The following SHPRH variants were observed in gnomAD, a reference collection of about 807,000 sequenced individuals.
SHPRH encodes the protein E3 ubiquitin-protein ligase SHPRH.
Under a neutral mutation model 202.5 loss-of-function variants are expected in SHPRH, and 106 were observed. The ratio of observed to expected loss-of-function variants is 0.52; its 90% CI spans 0.45 to 0.62. The LOEUF (loss-of-function observed/expected upper bound fraction) is 0.62. SHPRH is among the 20% of genes least tolerant of loss of function. The pLI, the probability that SHPRH is intolerant of heterozygous loss-of-function variation, is 0.00. For missense variants in SHPRH, 1,710 were observed against 2,020.0 expected, an observed-to-expected ratio of 0.85 and a Z score of 2.94; for synonymous variants, 729 against 686.0, an observed-to-expected ratio of 1.06 and a Z score of -0.98.
chr6:145,936,978 C>CTTTTT (rs1206387630), intron 11 of SHPRH, among the ~76,000 whole-genome samples: 3 of 125,660 alleles, frequency 2.4e-5, no homozygotes, highest in Admixed American at 8.2e-5. Context: ...CATGCTTCAT[C>CTTTTT]TTTTTTTTTT....
chr6:145,877,643 C>A (rs1349510557), intron 2 of SHPRH: 1 of 152,174 alleles, frequency 6.6e-6, no homozygotes, highest in Non-Finnish European at 1.5e-5. Flanking sequence ...CTTTGCAGAT[C>A]CAGTGGATAA....
At position 145,886,547 on chromosome 6, in the gene SHPRH, C is replaced by T; in HGVS notation, c.*144G>A. 7.0e-7 allele frequency: 1 copy of T among 1,429,228 alleles called. No individual in the cohort carries two copies. The highest frequency in any genetic ancestry group is 1.4e-5 in the South Asian group (1 of 72,736). 88.5% of individuals were successfully genotyped at this position (1,429,228 alleles called of 1,614,324 possible). A position where few individuals can be genotyped will look rare whatever the true frequency, so the allele number is the denominator to read the frequency against. Reference sequence around the variant, plus strand: ...AAAGGACTCAATAAGTACTAAGCCACTGTATAACCAGAACAATAAACAAAT... The same window carrying T: ...AAAGGACTCAATAAGTACTAAGCCATTGTATAACCAGAACAATAAACAAAT... On this transcript the variant is annotated 3_prime_UTR_variant, in exon 30 of 30. Coordinates refer to ENST00000275233, the MANE Select transcript of SHPRH (RefSeq NM_001042683.3).
Position 145,888,001 on chromosome 6 carries a change from G to A in SHPRH, c.4955+19C>T, listed in dbSNP as rs772574389. 4.4e-6 allele frequency: 7 copies of A among 1,579,286 alleles called. No homozygotes were observed. In the Admixed American group the frequency reaches 1.2e-4, roughly 26 times the overall value. Reference sequence around the variant, plus strand: ...CAGGAAAACCTTCCCCCTTCTACTTGTGGTAAATTATTACCTACCTTCTCT... The same window carrying A: ...CAGGAAAACCTTCCCCCTTCTACTTATGGTAAATTATTACCTACCTTCTCT... On this transcript the variant is annotated intron_variant, in intron 29 of 29. Coordinates refer to ENST00000275233, the MANE Select transcript of SHPRH (RefSeq NM_001042683.3).
rs141754527 is a variant in SHPRH, at chr6:145,885,879, T to C, written c.*812A>G. 2 of 151,892 alleles carry C rather than the reference T, an allele frequency of 1.3e-5. No homozygotes were observed. Among genetic ancestry groups the C allele is most frequent in the Non-Finnish European group, 2.9e-5 (2 of 67,950 alleles). The allele number at this position is 151,892 out of a possible 1,614,324, so 9.4% of individuals were successfully genotyped here. On this transcript the variant is annotated 3_prime_UTR_variant, in exon 30 of 30. Transcript: ENST00000275233. ...AAAAAAACCCTGCCATATTTCCATG[T>C]TATAATAAAACAAAATCATAAAAAC...
downstream of SHPRH, among the ~76,000 whole-genome samples, chr6:145,861,076 A>AT (rs1779564165): frequency 6.6e-6 from 1 of 152,130 alleles, no homozygotes; most frequent in South Asian, 2.1e-4. Context: ...CTGGGCAATG[A>AT]TTTCTGGGAT....
At chr6:145,868,759 CAAA>C in intron 2 of SHPRH, among the ~76,000 whole-genome samples, 1 of 152,258 alleles carries the variant, frequency 6.6e-6, no homozygotes, top group South Asian at 2.1e-4. Flanking sequence ...TGCAATATAA[CAAA>C]GAAGTCTACT....
chr6:145,926,808 TATC>T (rs1219426472), intron 15 of SHPRH, among the ~76,000 whole-genome samples: 2 of 151,978 alleles, frequency 1.3e-5, no homozygotes, highest in African/African-American at 4.8e-5. Flanking sequence ...CTCTAAAAAT[TATC>T]ATTAGATAGA....
intron 2 of SHPRH, chr6:145,876,696 C>A (rs912526026): frequency 5.3e-5 from 8 of 152,158 alleles, no homozygotes; most frequent in African/African-American, 1.9e-4. Flanking sequence ...ATAGGCTGAA[C>A]TGTGGCTCCA....
At chr6:145,881,877 G>C (rs1780597732), downstream of SHPRH, among the ~76,000 whole-genome samples, 1 of 152,134 alleles carries the variant, frequency 6.6e-6, no homozygotes, top group Non-Finnish European at 1.5e-5. Context: ...GCCGAGGCAG[G>C]TGGATCGCTT....
At chr6:145,943,038 C>T in intron 9 of SHPRH, 105 bp downstream of exon 9, 1 of 1,291,792 alleles carries the variant, frequency 7.7e-7, no homozygotes, top group Non-Finnish European at 1.1e-6. Context: ...TTAAATCATT[C>T]AGTTAGTTTT....
intron 1 of SHPRH, among the ~76,000 whole-genome samples, chr6:145,960,013 G>T (rs1250888192): frequency 1.3e-5 from 2 of 152,180 alleles, no homozygotes; most frequent in African/African-American, 4.8e-5. Flanking sequence ...GTTAACTACT[G>T]CCACAAACAT....
At chr6:145,954,086 T>C (rs943582821) in intron 2 of SHPRH, among the ~76,000 whole-genome samples, 1 of 151,488 alleles carries the variant, frequency 6.6e-6, no homozygotes, top group Non-Finnish European at 1.5e-5. Flanking sequence ...GTGAATTAAA[T>C]GCTATACTAA....
At position 145,943,596 on chromosome 6, in the gene SHPRH, G is replaced by T; in HGVS notation, c.1785C>A (p.Pro595=). The change falls in exon 9 of 30, where the codon CCC becomes CCA. Residue 595 remains proline, a synonymous_variant. Transcript: ENST00000275233. ...KKGKSQPFIN[P]DSQGHCPATS... ...TAGCTGGACAGTGACCTTGTGAATC[G>T]GGATTGATAAATGGTTGACTTTTTC... 1.2e-6 allele frequency: 2 copies of T among 1,613,798 alleles called. No homozygotes were observed. Among genetic ancestry groups the T allele is most frequent in the Non-Finnish European group, 1.7e-6 (2 of 1,179,866 alleles).
At chr6:145,950,646 C>T (rs768430382) in intron 3 of SHPRH, among the ~76,000 whole-genome samples, 164 bp from the exon 4 acceptor site, 13 of 152,074 alleles carry the variant, frequency 8.5e-5, no homozygotes, top group Non-Finnish European at 1.8e-4. Context: ...AATCAAAAAT[C>T]TACTCATCCA....
At chr6:145,948,444 C>G in intron 4 of SHPRH, 94 bp from the exon 5 acceptor site, 1 of 877,510 alleles carries the variant, frequency 1.1e-6, no homozygotes, top group Non-Finnish European at 1.7e-6. Flanking sequence ...TGAGGATACT[C>G]TGGCATAGTG....
chr6:145,959,858 T>G (rs1788911477), intron 1 of SHPRH, among the ~76,000 whole-genome samples: 1 of 152,246 alleles, frequency 6.6e-6, no homozygotes, highest in Admixed American at 6.5e-5. Context: ...CATCTTATCC[T>G]CTCTTATCTT....
intron 1 of SHPRH, among the ~76,000 whole-genome samples, chr6:145,960,621 G>A (rs1447666317): frequency 6.6e-6 from 1 of 152,170 alleles, no homozygotes; most frequent in Non-Finnish European, 1.5e-5. Flanking sequence ...GGCATTTACT[G>A]ACTGTGTGGC....
At position 145,935,449 on chromosome 6, in the gene SHPRH, G is replaced by GA. The variant is rs762778715; in HGVS notation, c.2570-9dup. 1 of 1,611,102 alleles carries GA rather than the reference G, an allele frequency of 6.2e-7. No individual in the cohort carries two copies. Among genetic ancestry groups the GA allele is most frequent in the Non-Finnish European group, 8.5e-7 (1 of 1,179,134 alleles). On this transcript the variant is annotated splice_polypyrimidine_tract_variant and intron_variant, in intron 11 of 29. Transcript: ENST00000275233. Reference sequence around the variant, plus strand: ...CCACTAACCCAAAAAGATCTGAAAAGAAAAAATAAAATACATTGAGGATAA... The same window carrying GA: ...CCACTAACCCAAAAAGATCTGAAAAGAAAAAAATAAAATACATTGAGGATAA...
rs544434026 is a variant in SHPRH, at chr6:145,926,423, T to TA, written c.3202-128dup. Reference sequence around the variant, plus strand: ...ATCATATCACCAAATACTTTTCCTATAAAAAAATCTGAGTACTACTACTTT... The same window carrying TA: ...ATCATATCACCAAATACTTTTCCTATAAAAAAAATCTGAGTACTACTACTTT... On this transcript the variant is annotated intron_variant, in intron 15 of 29. Coordinates refer to ENST00000275233, the MANE Select transcript of SHPRH (RefSeq NM_001042683.3). 1,213 of 822,420 alleles carry TA rather than the reference T, an allele frequency of 1.5e-3. 9 individuals carry two copies. The highest frequency in any genetic ancestry group is 0.014 in the African/African-American group (820 of 57,800). The allele number at this position is 822,420 out of a possible 1,614,324, so 50.9% of individuals were successfully genotyped here.
Sources: allele counts gnomAD v4.1 joint callset (sites outside exome capture counted in the v4.1 genomes callset), GRCh38; gene constraint gnomAD v4.1.1; transcripts MANE v1.5; gene names NCBI Gene and HGNC (gene_info 2026-07-23, HGNC 2026-07-21).